The following CEMIP2 variants were observed in gnomAD, a reference collection of about 807,000 sequenced individuals.
CEMIP2 encodes the protein cell surface hyaluronidase CEMIP2.
Under a neutral mutation model 146.9 loss-of-function variants are expected in CEMIP2, and 79 were observed. That is an observed-to-expected ratio of 0.54 (90% CI 0.45 to 0.65). The LOEUF is 0.65. Among genes scored for constraint, CEMIP2 ranks in the 30% least tolerant of loss-of-function variants. CEMIP2 has a pLI of 0.00. For synonymous variants in CEMIP2, 601 were observed against 606.3 expected (o/e 0.99, Z 0.13); for missense variants, 1,596 against 1,696.2 (o/e 0.94, Z 1.04).
At chr9:71,699,604 T>C (rs1822500682) in intron 19 of CEMIP2, among the ~76,000 whole-genome samples, 1 of 152,156 alleles carries the variant, frequency 6.6e-6, no homozygotes, top group Non-Finnish European at 1.5e-5. Context: ...AACCAGGCAC[T>C]TAACAACTGA....
At chr9:71,694,780 A>G (rs952962614) in intron 20 of CEMIP2, among the ~76,000 whole-genome samples, 173 bp from the exon 21 acceptor site, 5 of 152,232 alleles carry the variant, frequency 3.3e-5, no homozygotes, top group African/African-American at 1.2e-4. Flanking sequence ...CAGTAAGTAT[A>G]TATTTGTTCC....
chr9:71,732,792 C>T (rs1340372169), intron 6 of CEMIP2, among the ~76,000 whole-genome samples: 3 of 143,284 alleles, frequency 2.1e-5, no homozygotes, highest in African/African-American at 5.1e-5. Flanking sequence ...CTGCAAGCTC[C>T]GCCTCCCGGG....
chr9:71,749,948 G>T, intron 2 of CEMIP2, 95 bp downstream of exon 2: 1 of 1,101,394 alleles, frequency 9.1e-7, no homozygotes, highest in Non-Finnish European at 1.3e-6. Context: ...TAGTTAGCTA[G>T]GGCCAACTTA....
intron 14 of CEMIP2, among the ~76,000 whole-genome samples, chr9:71,715,648 A>ATATATATATATAT (rs967444649): frequency 2.2e-4 from 30 of 134,190 alleles, no homozygotes; most frequent in East Asian, 8.5e-4. Context: ...ATATATATAT[A>ATATATATATATAT]CTTTTTTTTT....
intron 19 of CEMIP2, among the ~76,000 whole-genome samples, chr9:71,698,826 T>C (rs1368325737): frequency 2.0e-5 from 3 of 152,124 alleles, no homozygotes; most frequent in Non-Finnish European, 4.4e-5. Context: ...AAAGTCTAAC[T>C]TCCAGGTAGC....
At chr9:71,690,040 A>T (rs1349969503) in intron 22 of CEMIP2, 52 bp downstream of exon 22, 1 of 1,593,346 alleles carries the variant, frequency 6.3e-7, no homozygotes, top group African/African-American at 1.3e-5. Flanking sequence ...AGTTTGGAGC[A>T]CTCCACATCT....
At position 71,685,860 on chromosome 9, in the gene CEMIP2, T is replaced by A. The variant is rs1232064009; in HGVS notation, c.3852-14A>T. On this transcript the variant is annotated splice_polypyrimidine_tract_variant and intron_variant, in intron 22 of 23. Coordinates refer to ENST00000377044, the MANE Select transcript of CEMIP2 (RefSeq NM_013390.3). The stretch of plus-strand genomic sequence containing the variant: ...AGAACAATGGACCTGTATGTGAAAT[T>A]TAGAAAGTCAGAGCCAATTTCAATC... 3 of 1,605,074 alleles carry A rather than the reference T, an allele frequency of 1.9e-6. No individual in the cohort carries two copies. The South Asian group carries it at 3.3e-5, about 18-fold the overall frequency.
intron 1 of CEMIP2, among the ~76,000 whole-genome samples, chr9:71,757,745 G>T (rs1185750269): frequency 6.6e-6 from 1 of 152,102 alleles, no homozygotes; most frequent in Admixed American, 6.6e-5. Context: ...CTTCTGGTTT[G>T]GTTTGGTTTG....
chr9:71,737,579 C>T (rs979785197), intron 5 of CEMIP2, among the ~76,000 whole-genome samples: 3 of 152,004 alleles, frequency 2.0e-5, no homozygotes, highest in African/African-American at 7.3e-5. Context: ...AGACATGGTC[C>T]CACTATGTTG....
At chr9:71,745,721 G>C (rs945675323) in intron 3 of CEMIP2, 142 bp from the exon 4 acceptor site, 1 of 843,706 alleles carries the variant, frequency 1.2e-6, no homozygotes, top group Non-Finnish European at 1.8e-6. Flanking sequence ...GAAAACTAAA[G>C]GGAAAAATGA....
In CEMIP2 at chr9:71,694,609, T is replaced by A. The variant is rs372274882; in HGVS notation, c.3598-2A>T. 17 of 1,603,598 alleles carry A rather than the reference T, an allele frequency of 1.1e-5. No homozygotes were observed. The highest frequency in any genetic ancestry group is 1.5e-5 in the Non-Finnish European group (17 of 1,170,658). On this transcript the variant is annotated splice_acceptor_variant, in intron 20 of 23. Coordinates refer to ENST00000377044, the MANE Select transcript of CEMIP2 (RefSeq NM_013390.3). LOFTEE classifies it high-confidence loss of function. ...ATGAGGATCACTAGTAAACACCACC[T>A]AGACAGAGAAGAAGTTCCATATTTA...
At chr9:71,717,607 G>A (rs924331162) in intron 13 of CEMIP2, among the ~76,000 whole-genome samples, 1 of 152,128 alleles carries the variant, frequency 6.6e-6, no homozygotes, top group African/African-American at 2.4e-5. Context: ...AAAAACTAAG[G>A]AGTTTTCAAG....
intron 1 of CEMIP2, among the ~76,000 whole-genome samples, chr9:71,752,663 A>C (rs1824296893): frequency 6.6e-6 from 1 of 152,044 alleles, no homozygotes. Flanking sequence ...TACCCTTACA[A>C]TTAATCCCCT....
At chr9:71,702,838 T>C (rs2131885810) in intron 18 of CEMIP2, among the ~76,000 whole-genome samples, 1 of 152,326 alleles carries the variant, frequency 6.6e-6, no homozygotes, top group East Asian at 1.9e-4. Flanking sequence ...GCATTTTTTT[T>C]CACTTTAAAA....
chr9:71,720,354 G>A (rs1823198618), intron 12 of CEMIP2, among the ~76,000 whole-genome samples: 1 of 152,168 alleles, frequency 6.6e-6, no homozygotes, highest in South Asian at 2.1e-4. Context: ...GCAGTGGCAT[G>A]TTCTCAGCTC....
At position 71,685,317 on chromosome 9, in the gene CEMIP2, C is replaced by G. The variant is rs780482710; in HGVS notation, c.4032G>C (p.Gln1344His). 6.2e-7 allele frequency: 1 copy of G among 1,609,180 alleles called. No individual in the cohort carries two copies. The highest frequency in any genetic ancestry group is 1.4e-5 in the African/African-American group (1 of 73,294). Residue 1344 changes from glutamine to histidine, a missense_variant, in exon 24 of 24, where the codon CAG (glutamine) becomes CAC (histidine). Gln to His is a conservative substitution (Grantham distance 24, BLOSUM62 0). Transcript: ENST00000377044. ...TGAATTGTTCAAGCACCCCAAGGCCCTGTCCAGCAGGACTGGTAAATAGCT... is the reference window on the plus strand; with the variant it reads ...TGAATTGTTCAAGCACCCCAAGGCCGTGTCCAGCAGGACTGGTAAATAGCT... ...WTKLFTSPAG[Q>H]GLGVLEQFIP... is the part of the protein sequence containing the mutation.
intron 11 of CEMIP2, among the ~76,000 whole-genome samples, chr9:71,724,789 C>T (rs1444145110): frequency 6.6e-6 from 1 of 151,972 alleles, no homozygotes; most frequent in Non-Finnish European, 1.5e-5. Flanking sequence ...TAGTATAATG[C>T]CTAATAGGAC....
intron 21 of CEMIP2, among the ~76,000 whole-genome samples, chr9:71,692,154 T>C (rs1214138798): frequency 2.0e-5 from 3 of 149,820 alleles, no homozygotes; most frequent in African/African-American, 7.4e-5. Flanking sequence ...CCTAATGCAA[T>C]CCCAGATCTT....
At chr9:71,760,921 A>T (rs1013601249) in intron 1 of CEMIP2, among the ~76,000 whole-genome samples, 2 of 152,076 alleles carry the variant, frequency 1.3e-5, no homozygotes, top group African/African-American at 4.8e-5. Context: ...TATTTCTCAT[A>T]TTTCTTTTTC....
Sources: gnomAD v4.1 joint callset for allele counts (sites outside exome capture counted in the v4.1 genomes callset) on GRCh38, gnomAD v4.1.1 for gene constraint, MANE v1.5 for transcripts, NCBI Gene and HGNC (gene_info 2026-07-23, HGNC 2026-07-21) for gene names.